Variants in NUP210L observed in about 807,000 individuals in gnomAD.
The protein encoded by NUP210L is nucleoporin 210 like, also known as nuclear pore membrane glycoprotein 210-like.
A neutral mutation model predicts 208.5 loss-of-function variants in NUP210L; 74 were observed. The ratio of observed to expected loss-of-function variants is 0.35; its 90% CI spans 0.29 to 0.43. The LOEUF is 0.43. Ranked by LOEUF, NUP210L falls within the 20% of genes least tolerant of loss-of-function variation. The pLI is 1.00. For synonymous variants in NUP210L, 780 were observed against 816.9 expected (o/e 0.95, Z 0.77); for missense variants, 1,843 against 2,289.4 (o/e 0.81, Z 3.98).
chr1:154,002,419 G>C (rs942518282), intron 35 of NUP210L, among the ~76,000 whole-genome samples: 3 of 151,870 alleles, frequency 2.0e-5, no homozygotes, highest in African/African-American at 7.3e-5. Flanking sequence ...GGATCACAAG[G>C]TCAAGAGTTC....
chr1:154,066,043 T>C (rs923888668), intron 17 of NUP210L, among the ~76,000 whole-genome samples: 5 of 151,188 alleles, frequency 3.3e-5, no homozygotes, highest in South Asian at 2.1e-4. Flanking sequence ...AACAACGAAA[T>C]GAAGGCAGAA....
intron 2 of NUP210L, among the ~76,000 whole-genome samples, chr1:154,148,156 A>G (rs1268772572): frequency 6.6e-6 from 1 of 151,360 alleles, no homozygotes; most frequent in Non-Finnish European, 1.5e-5. Context: ...AATCCCAGCT[A>G]CTCAGGAGGC....
At chr1:154,113,665 C>G (rs1242760641) in intron 12 of NUP210L, among the ~76,000 whole-genome samples, 4 of 151,626 alleles carry the variant, frequency 2.6e-5, no homozygotes, top group South Asian at 2.1e-4. Flanking sequence ...CAACACCAGC[C>G]TGGCCAATAT....
intron 14 of NUP210L, among the ~76,000 whole-genome samples, chr1:154,096,269 TTTA>T (rs1656176104): frequency 6.6e-6 from 1 of 152,200 alleles, no homozygotes; most frequent in South Asian, 2.1e-4. Flanking sequence ...TTCAGTCATA[TTTA>T]TTATTGAGTA....
At chr1:154,129,412 AAAACAAAC>A in intron 7 of NUP210L, 67 bp from the exon 8 acceptor site, 1 of 926,242 alleles carries the variant, frequency 1.1e-6, no homozygotes, top group Non-Finnish European at 1.7e-6. Flanking sequence ...CCAAAGGAGA[AAAACAAAC>A]AAACAAACAA....
intron 10 of NUP210L, among the ~76,000 whole-genome samples, chr1:154,124,448 T>G (rs1277987408): frequency 6.6e-6 from 1 of 152,104 alleles, no homozygotes; most frequent in Non-Finnish European, 1.5e-5. Context: ...TTGGAGGCAT[T>G]AGAAACAGAT....
At chr1:153,993,843 A>G (rs1171826472) in intron 38 of NUP210L, among the ~76,000 whole-genome samples, 2 of 152,136 alleles carry the variant, frequency 1.3e-5, no homozygotes, top group African/African-American at 4.8e-5. Context: ...GGTTGCAGTG[A>G]GCCAAGATTG....
At chr1:154,153,434 C>T (rs1018448354) in intron 1 of NUP210L, among the ~76,000 whole-genome samples, 20 of 152,244 alleles carry the variant, frequency 1.3e-4, no homozygotes, top group African/African-American at 4.3e-4. Flanking sequence ...CTCAGCCTCT[C>T]GAGTAGCTGA....
chr1:154,106,962 C>T (rs1345209252), intron 12 of NUP210L, among the ~76,000 whole-genome samples: 1 of 152,126 alleles, frequency 6.6e-6, no homozygotes, highest in Non-Finnish European at 1.5e-5. Flanking sequence ...TTTTCAATGC[C>T]CAGACATCAA....
chr1:154,142,892 A>AC (rs1440046138), intron 3 of NUP210L, among the ~76,000 whole-genome samples: 1 of 148,554 alleles, frequency 6.7e-6, no homozygotes, highest in Non-Finnish European at 1.5e-5. Context: ...CCATCTCAAA[A>AC]AAAAAAAAGA....
chr1:154,057,356 G>C (rs1235860369), intron 22 of NUP210L, among the ~76,000 whole-genome samples: 1 of 152,042 alleles, frequency 6.6e-6, no homozygotes, highest in Non-Finnish European at 1.5e-5. Flanking sequence ...CTCTGGTTAG[G>C]GGGAATTGCA....
intron 2 of NUP210L, among the ~76,000 whole-genome samples, chr1:154,146,619 T>TCCCC (rs1178482684): frequency 1.3e-5 from 1 of 76,918 alleles, no homozygotes; most frequent in African/African-American, 5.1e-5. Context: ...CCATCCCCCC[T>TCCCC]CCCCCCCCCA....
exon 7 of NUP210L, chr1:154,135,903 T>G: frequency 1.9e-6 from 3 of 1,608,150 alleles, no homozygotes; most frequent in Non-Finnish European, 2.6e-6. Context: ...TTTCTCAGAA[T>G]GAGACCCGTT....
intron 27 of NUP210L, 56 bp from the exon 28 acceptor site, chr1:154,030,110 C>CA: frequency 2.5e-6 from 3 of 1,195,078 alleles, no homozygotes. Flanking sequence ...GGTGTCCTTC[C>CA]TTTTTTTTTC....
intron 23 of NUP210L, 125 bp from the exon 24 acceptor site, chr1:154,054,957 G>A: frequency 6.0e-6 from 4 of 667,504 alleles, no homozygotes; most frequent in Non-Finnish European, 1.1e-5. Context: ...CTGAAGTGCA[G>A]TGGCACGATC....
At chr1:154,023,247 T>C (rs1440732343) in exon 31 of NUP210L, 2 of 1,613,682 alleles carry the variant, frequency 1.2e-6, no homozygotes, top group Admixed American at 1.7e-5. Flanking sequence ...TTCCTTGGGC[T>C]GTGTATAGCT....
rs34453410 is a variant in NUP210L, at chr1:154,043,021, CTT to C, written c.3696+3046_3696+3047del. ...GCCACCACACCCAGCCCATTAAGAC[CTT>C]TTTTTTTTTTTTTTGAGACAGGGTC... On this transcript the variant is annotated intron_variant, in intron 27 of 39. Transcript: ENST00000368559. Among the ~76,000 whole-genome samples the C allele has an allele frequency of 2.5e-3, 320 of 126,770 alleles. 1 individual carries two copies. The highest frequency in any genetic ancestry group is 3.6e-3 in the African/African-American group (120 of 33,346). 83.2% of individuals were successfully genotyped at this position (126,770 alleles called of 152,430 possible).
intron 28 of NUP210L, among the ~76,000 whole-genome samples, chr1:154,028,764 A>G (rs1432386092): frequency 6.6e-6 from 1 of 151,268 alleles, no homozygotes; most frequent in Non-Finnish European, 1.5e-5. Flanking sequence ...TTTCCAGACT[A>G]CTCACCTGCA....
intron 7 of NUP210L, among the ~76,000 whole-genome samples, chr1:154,129,951 A>G (rs935269995): frequency 2.0e-5 from 3 of 152,218 alleles, no homozygotes; most frequent in Non-Finnish European, 4.4e-5. Flanking sequence ...AATTTATTCC[A>G]GTATCAGTCT....
Sources: gnomAD v4.1 joint callset for allele counts (sites outside exome capture counted in the v4.1 genomes callset) on GRCh38, gnomAD v4.1.1 for gene constraint, MANE v1.5 for transcripts, NCBI Gene and HGNC (gene_info 2026-07-23, HGNC 2026-07-21) for gene names.